Variants in LOC112694756 observed in about 807,000 individuals in gnomAD.
the LOC112694756 span, chr16:30,070,385 A>G: frequency 1.5e-5 from 10 of 646,990 alleles, no homozygotes; most frequent in African/African-American, 3.6e-5. Context: ...TTTCCGGCAC[A>G]CTGCCAAATA....
the LOC112694756 span, chr16:30,068,818 G>A: frequency 6.2e-7 from 1 of 1,614,218 alleles, no homozygotes; most frequent in South Asian, 1.1e-5. Context: ...CTTCTCTTAG[G>A]GTTGGATGGG....
chr16:30,068,343 C>T, the LOC112694756 span: 16 of 394,408 alleles, frequency 4.1e-5, no homozygotes, highest in African/African-American at 2.1e-4. Flanking sequence ...GGATTACAGG[C>T]GTGAGCCACC....
the LOC112694756 span, chr16:30,068,611 C>T: frequency 1.3e-3 from 2,034 of 1,612,070 alleles, 4 homozygotes; most frequent in Middle Eastern, 1.8e-3. Context: ...GAGGTCATTT[C>T]CTGTGTCTTA....
chr16:30,055,270 T>G, the LOC112694756 span: 3 of 399,024 alleles, frequency 7.5e-6, no homozygotes, highest in Non-Finnish European at 1.3e-5. Context: ...CCTGCAACTT[T>G]CCTCTGCCTA....
At chr16:30,054,677 C>G in the LOC112694756 span, 1 of 398,366 alleles carries the variant, frequency 2.5e-6, no homozygotes. Flanking sequence ...TCCCCACCAT[C>G]TGGTGGCCGT....
chr16:30,063,204 T>C, the LOC112694756 span, among the ~76,000 whole-genome samples: 1 of 152,120 alleles, frequency 6.6e-6, no homozygotes, highest in Non-Finnish European at 1.5e-5. Context: ...TAAAGATTTT[T>C]AAAATCATTC....
At chr16:30,065,244 C>A in the LOC112694756 span, among the ~76,000 whole-genome samples, 1 of 152,236 alleles carries the variant, frequency 6.6e-6, no homozygotes, top group Non-Finnish European at 1.5e-5. Flanking sequence ...GGGCCAGTGA[C>A]AGGGTGTCGG....
chr16:30,061,758 C>T, the LOC112694756 span, among the ~76,000 whole-genome samples: 7 of 151,268 alleles, frequency 4.6e-5, no homozygotes, highest in Non-Finnish European at 8.9e-5. Context: ...AGAGGTTTCG[C>T]CATGTTGGCC....
the LOC112694756 span, chr16:30,069,487 G>A: frequency 6.2e-7 from 1 of 1,614,080 alleles, no homozygotes; most frequent in African/African-American, 1.3e-5. Context: ...CCGTGCGCCT[G>A]CTCTGCTCCA....
At chr16:30,067,354 G>A in the LOC112694756 span, 1 of 1,614,060 alleles carries the variant, frequency 6.2e-7, no homozygotes, top group Non-Finnish European at 8.5e-7. Flanking sequence ...CCTGGCTGCA[G>A]ATGAGTCCAC....
At chr16:30,058,908 G>A in the LOC112694756 span, 1 of 398,382 alleles carries the variant, frequency 2.5e-6, no homozygotes, top group Non-Finnish European at 4.4e-6. Context: ...GGACTCAGCA[G>A]AAACAAGATG....
chr16:30,056,741 T>C, the LOC112694756 span, among the ~76,000 whole-genome samples: 1 of 150,978 alleles, frequency 6.6e-6, no homozygotes, highest in African/African-American at 2.4e-5. Flanking sequence ...GCTGAGACTA[T>C]AGGTGCATGC....
the LOC112694756 span, among the ~76,000 whole-genome samples, chr16:30,056,592 A>G: frequency 6.6e-6 from 1 of 151,992 alleles, no homozygotes. Context: ...CATACCTGCT[A>G]CTGTCCCCCT....
chr16:30,069,769 G>A, the LOC112694756 span: 1 of 1,612,302 alleles, frequency 6.2e-7, no homozygotes, highest in Middle Eastern at 1.7e-4. Flanking sequence ...ACTTCCACCA[G>A]CTCCTGCCAG....
chr16:30,061,892 C>G, the LOC112694756 span, among the ~76,000 whole-genome samples: 6 of 150,596 alleles, frequency 4.0e-5, no homozygotes, highest in Non-Finnish European at 7.4e-5. Context: ...AAGCCCATTA[C>G]TCAGGATTCT....
the LOC112694756 span, chr16:30,054,945 G>C: frequency 1.2e-4 from 46 of 398,892 alleles, no homozygotes; most frequent in African/African-American, 7.2e-4. Flanking sequence ...GTCTGGTCGG[G>C]GATAAAGGGT....
At chr16:30,065,924 C>T in the LOC112694756 span, 269 of 153,120 alleles carry the variant, frequency 1.8e-3, no homozygotes, top group Non-Finnish European at 3.1e-3. Flanking sequence ...CTCTCCTGTG[C>T]CAGGTGAGCG....
chr16:30,061,548 C>CTTTTTT, the LOC112694756 span, among the ~76,000 whole-genome samples: 48 of 65,628 alleles, frequency 7.3e-4, 3 homozygotes, highest in African/African-American at 1.4e-3. Context: ...CCTCCATTTC[C>CTTTTTT]TTTTTTTTTT....
chr16:30,060,563 A>T, the LOC112694756 span, among the ~76,000 whole-genome samples: 4 of 152,146 alleles, frequency 2.6e-5, no homozygotes, highest in Admixed American at 1.3e-4. Context: ...TGAGAAATCC[A>T]TTAGCCAGTT....
Sources: gnomAD v4.1 joint callset for allele counts (sites outside exome capture counted in the v4.1 genomes callset) on GRCh38, gnomAD v4.1.1 for gene constraint, MANE v1.5 for transcripts.